HTT: variants seen among roughly 807,000 people sequenced by gnomAD.
HTT encodes the protein huntington disease protein.
A neutral mutation model predicts 362.3 loss-of-function variants in HTT; 104 were observed. That is an observed-to-expected ratio of 0.29 (90% confidence interval 0.24 to 0.34). The LOEUF (loss-of-function observed/expected upper bound fraction) is 0.34. Among genes scored for constraint, HTT ranks in the 10% least tolerant of loss-of-function variants. The probability of loss-of-function intolerance (pLI) is 1.00; values close to 1 mark genes in which losing one functional copy is unlikely to be tolerated. For missense variants in HTT, 3,301 were observed against 3,928.6 expected (o/e 0.84, Z 4.27); for synonymous variants, 1,577 against 1,548.7 (o/e 1.02, Z -0.43).
Position 3,238,591 on chromosome 4 carries a change from G to A in HTT, c.9036G>A (p.Met3012Ile). Reference sequence around the variant, plus strand: ...ACCAGCAGCCATACCCCCAGTTCATGGCCACCGTGGTGTATAAGGTGAGGT... The same window carrying A: ...ACCAGCAGCCATACCCCCAGTTCATAGCCACCGTGGTGTATAAGGTGAGGT... ...LSNQQPYPQFMATVVYKVFQT... is the reference protein window; with the variant it reads ...LSNQQPYPQFIATVVYKVFQT... The change falls in exon 65 of 67, where the codon ATG (methionine) becomes ATA (isoleucine). Residue 3012 changes from methionine (M) to isoleucine (I), a missense_variant. Physicochemically the swap from Met to Ile is conservative, Grantham distance 10 (BLOSUM62 1). Coordinates refer to ENST00000355072, the MANE Select transcript of HTT (RefSeq NM_001388492.1). 1 of 1,609,892 alleles carries A rather than the reference G, an allele frequency of 6.2e-7. No homozygotes were observed. Among genetic ancestry groups the A allele is most frequent in the Non-Finnish European group, 8.5e-7 (1 of 1,177,922 alleles).
intron 1 of HTT, among the ~76,000 whole-genome samples, chr4:3,075,648 A>AGGGGGGG (rs368641776): frequency 1.8e-5 from 1 of 54,362 alleles, no homozygotes. Flanking sequence ...GTGGCGGGGC[A>AGGGGGGG]GGGGGGGGGC....
Position 3,214,053 on chromosome 4 carries a change from C to T in HTT, c.6870C>T (p.Gly2290=), listed in dbSNP as rs1720280301. The change falls in exon 50 of 67, where the codon GGC becomes GGT. Residue 2290 remains glycine (G), a synonymous_variant. Coordinates refer to ENST00000355072, the MANE Select transcript of HTT (RefSeq NM_001388492.1). ...DCCCLALQLP[G]LWSVVSSTEF... Reference sequence around the variant, plus strand: ...GCTGCCTGGCCCTGCAGCTGCCTGGCCTCTGGAGCGTGGTCTCCTCCACAG... The same window carrying T: ...GCTGCCTGGCCCTGCAGCTGCCTGGTCTCTGGAGCGTGGTCTCCTCCACAG... The T allele has an allele frequency of 2.5e-6, 4 of 1,609,896 alleles. No homozygotes were observed. The highest frequency in any genetic ancestry group is 1.7e-5 in the Admixed American group (1 of 59,620).
At position 3,220,204 on chromosome 4, in the gene HTT, C is replaced by T. The variant is rs1420282563; in HGVS notation, c.7265C>T (p.Pro2422Leu). The T allele has an allele frequency of 6.2e-7, 1 of 1,613,994 alleles. No individual in the cohort carries two copies. Among genetic ancestry groups the T allele is most frequent in the Non-Finnish European group, 8.5e-7 (1 of 1,180,032 alleles). Residue 2422 changes from proline to leucine, a missense_variant, in exon 53 of 67, where the codon CCC (proline) becomes CTC (leucine). Coordinates refer to ENST00000355072, the MANE Select transcript of HTT (RefSeq NM_001388492.1). Reference sequence around the variant, plus strand: ...CAGGTGTGGAAGCTTGGATGGTCACCCAAACCGGGAGGGGATTTTGGCACA... The same window carrying T: ...CAGGTGTGGAAGCTTGGATGGTCACTCAAACCGGGAGGGGATTTTGGCACA... ...PPLVWKLGWS[P>L]KPGGDFGTAF...
chr4:3,107,688 T>G (rs1371150093), intron 6 of HTT, among the ~76,000 whole-genome samples: 1 of 152,188 alleles, frequency 6.6e-6, no homozygotes, highest in Non-Finnish European at 1.5e-5. Flanking sequence ...AGCAGATTTG[T>G]TTTCGGCGTA....
intron 60 of HTT, among the ~76,000 whole-genome samples, chr4:3,231,037 C>T (rs766507102): frequency 7.9e-5 from 12 of 152,250 alleles, no homozygotes; most frequent in Non-Finnish European, 1.3e-4. Context: ...AAGTATCCAT[C>T]ACCTGCACAC....
intron 17 of HTT, 25 bp downstream of exon 17, chr4:3,132,745 T>C: frequency 6.2e-7 from 1 of 1,613,852 alleles, no homozygotes; most frequent in Non-Finnish European, 8.5e-7. Context: ...TTCAGCTGTG[T>C]TTTTTCTAGT....
At chr4:3,193,133 C>G (rs933868189) in intron 40 of HTT, among the ~76,000 whole-genome samples, 5 of 152,224 alleles carry the variant, frequency 3.3e-5, no homozygotes, top group Admixed American at 2.0e-4. Context: ...CCGGTAGGGC[C>G]CGGCCGCACG....
At position 3,206,418 on chromosome 4, in the gene HTT, T is replaced by C; in HGVS notation, c.5719-78T>C. The stretch of plus-strand genomic sequence containing the variant: ...GATGTGTTTTCTCCTTCTTACCCTT[T>C]CTGGCCTTTCTATGGCATTAATACC... On this transcript the variant is annotated intron_variant, in intron 42 of 66. Coordinates refer to ENST00000355072, the MANE Select transcript of HTT (RefSeq NM_001388492.1). The surrounding 1 kb of genome is among the most constrained non-coding windows in gnomAD (Gnocchi z 4.6). 1 of 1,096,438 alleles carries C rather than the reference T, an allele frequency of 9.1e-7. No homozygotes were observed. Among genetic ancestry groups the C allele is most frequent in the Non-Finnish European group, 1.4e-6 (1 of 722,378 alleles). The allele number at this position is 1,096,438 out of a possible 1,614,324, so 67.9% of individuals were successfully genotyped here.
At chr4:3,151,523 A>G (rs1716891938) in intron 26 of HTT, among the ~76,000 whole-genome samples, 1 of 152,090 alleles carries the variant, frequency 6.6e-6, no homozygotes, top group South Asian at 2.1e-4. Context: ...ACCAGGCCCC[A>G]CCTCCGACAC....
At chr4:3,210,904 C>CTTTTTTTTTTTT (rs780304223) in intron 47 of HTT, among the ~76,000 whole-genome samples, 3,113 of 122,278 alleles carry the variant, frequency 0.025, 264 homozygotes, top group African/African-American at 0.069. Context: ...AATTGTTTAT[C>CTTTTTTTTTTTT]TTTTTTTTTT....
At chr4:3,115,106 C>CAT (rs1490537534) in intron 6 of HTT, among the ~76,000 whole-genome samples, 198 bp from the exon 7 acceptor site, 5 of 152,130 alleles carry the variant, frequency 3.3e-5, no homozygotes, top group Non-Finnish European at 1.5e-5. Context: ...TATAAAGAAG[C>CAT]AAATAGACTA....
chr4:3,148,342 T>C, intron 26 of HTT, 135 bp downstream of exon 26: 1 of 659,834 alleles, frequency 1.5e-6, no homozygotes, highest in South Asian at 2.2e-5. Context: ...ATTGTGACAC[T>C]AAATTTAACA....
intron 39 of HTT, 81 bp from the exon 40 acceptor site, chr4:3,188,870 A>G: frequency 7.5e-7 from 1 of 1,325,124 alleles, no homozygotes; most frequent in Non-Finnish European, 1.1e-6. Context: ...TATATTTACC[A>G]TATATCTTTT....
intron 51 of HTT, 130 bp from the exon 52 acceptor site, chr4:3,217,635 A>T: frequency 1.4e-6 from 1 of 723,396 alleles, no homozygotes; most frequent in Non-Finnish European, 2.3e-6. Context: ...GCAGGCCTTC[A>T]GTGGCCAACT....
intron 39 of HTT, 195 bp from the exon 40 acceptor site, chr4:3,188,756 C>T: frequency 1.8e-6 from 1 of 551,964 alleles, no homozygotes; most frequent in Non-Finnish European, 3.2e-6. Flanking sequence ...ATTTCATCCT[C>T]AGTGAGGAAG....
At chr4:3,177,822 T>C (rs1399196127) in intron 34 of HTT, among the ~76,000 whole-genome samples, 1 of 152,252 alleles carries the variant, frequency 6.6e-6, no homozygotes, top group African/African-American at 2.4e-5. Context: ...AGGTTTATAA[T>C]TATTAAAAGT....
intron 60 of HTT, among the ~76,000 whole-genome samples, chr4:3,232,510 G>A (rs962474138): frequency 6.6e-6 from 1 of 152,208 alleles, no homozygotes; most frequent in African/African-American, 2.4e-5. Flanking sequence ...CTAGGTTTTG[G>A]ATACTAAGTG....
Position 3,086,922 on chromosome 4 carries a change from C to A in HTT, c.264-17C>A. The A allele has an allele frequency of 6.8e-7, 1 of 1,476,222 alleles. No homozygotes were observed. Among genetic ancestry groups the A allele is most frequent in the Non-Finnish European group, 9.5e-7 (1 of 1,057,124 alleles). The allele number at this position is 1,476,222 out of a possible 1,614,324, so 91.4% of individuals were successfully genotyped here. On this transcript the variant is annotated splice_polypyrimidine_tract_variant and intron_variant, in intron 1 of 66. Coordinates refer to ENST00000355072, the MANE Select transcript of HTT (RefSeq NM_001388492.1). ...TAATTCAACACATATTAATTTCCTT[C>A]TTTTTTTTATTTTTAGAAAGAAAGA...
At chr4:3,233,037 C>G (rs921951994) in intron 60 of HTT, 126 bp from the exon 61 acceptor site, 2 of 743,184 alleles carry the variant, frequency 2.7e-6, no homozygotes, top group African/African-American at 3.4e-5. Flanking sequence ...AGGATGGTCT[C>G]CGGCCTGCTG....
Sources: allele counts gnomAD v4.1 joint callset (sites outside exome capture counted in the v4.1 genomes callset), GRCh38; gene constraint gnomAD v4.1.1; non-coding constraint Gnocchi (gnomAD v3.1); transcripts MANE v1.5; gene names NCBI Gene and HGNC (gene_info 2026-07-23, HGNC 2026-07-21).